KLRG1: variants seen among roughly 807,000 people sequenced by gnomAD.
The protein encoded by KLRG1 is killer cell lectin like receptor G1.
A neutral mutation model predicts 21.8 loss-of-function variants in KLRG1; 16 were observed. That is an observed-to-expected ratio of 0.73 (90% CI 0.50 to 1.11). KLRG1 has a LOEUF of 1.11. Among genes scored for constraint, KLRG1 ranks in the 50% most tolerant of loss-of-function variants. The probability of loss-of-function intolerance (pLI) is 0.00; values close to 1 mark genes in which losing one functional copy is unlikely to be tolerated. For missense variants in KLRG1, 173 were observed against 218.3 expected (o/e 0.79, Z 1.31); for synonymous variants, 69 against 75.9 (o/e 0.91, Z 0.47).
At chr12:9,135,284 C>T in the KLRG1 span, 1 of 275,112 alleles carries the variant, frequency 3.6e-6, no homozygotes, top group African/African-American at 2.3e-5. Context: ...TTCGCATCAA[C>T]CATGAAATGG....
At chr12:9,210,609 A>T in the KLRG1 span, among the ~76,000 whole-genome samples, 1 of 152,164 alleles carries the variant, frequency 6.6e-6, no homozygotes, top group African/African-American at 2.4e-5. Flanking sequence ...CAATACCTCC[A>T]GTGAATATAT....
chr12:9,039,895 G>C, the KLRG1 span, among the ~76,000 whole-genome samples: 5 of 152,328 alleles, frequency 3.3e-5, no homozygotes, highest in South Asian at 6.2e-4. Flanking sequence ...TAGCAAAAAT[G>C]CCTGCGCAAT....
chr12:9,159,799 A>C, the KLRG1 span: 378 of 751,776 alleles, frequency 5.0e-4, no homozygotes, highest in Admixed American at 6.0e-4. Flanking sequence ...TCATAGCTAT[A>C]AGAAATAAAT....
chr12:8,987,940 T>C (rs1293442824), upstream of KLRG1, among the ~76,000 whole-genome samples: 7 of 152,242 alleles, frequency 4.6e-5, no homozygotes, highest in African/African-American at 1.4e-4. Context: ...GCTAAACTAT[T>C]GATGACTCTT....
chr12:9,147,546 C>A, the KLRG1 span, among the ~76,000 whole-genome samples: 1 of 152,144 alleles, frequency 6.6e-6, no homozygotes, highest in Non-Finnish European at 1.5e-5. Flanking sequence ...AGGAGTCTTT[C>A]AATTAGCCTT....
the KLRG1 span, chr12:9,135,528 T>A: frequency 2.8e-6 from 1 of 354,218 alleles, no homozygotes; most frequent in Non-Finnish European, 5.3e-6. Context: ...GAATAAACTG[T>A]AAGGACGAAT....
At chr12:9,213,178 A>C in the KLRG1 span, among the ~76,000 whole-genome samples, 1 of 152,198 alleles carries the variant, frequency 6.6e-6, no homozygotes, top group Non-Finnish European at 1.5e-5. Context: ...GATATTGAAC[A>C]ATATTCCAAT....
chr12:9,165,301 G>A, the KLRG1 span: 36 of 1,614,040 alleles, frequency 2.2e-5, no homozygotes, highest in Non-Finnish European at 3.0e-5. Context: ...ACAGGCAGAA[G>A]GCCCCTGCCT....
intron 1 of KLRG1, among the ~76,000 whole-genome samples, chr12:8,962,660 G>T (rs2137222266): frequency 6.7e-6 from 1 of 150,082 alleles, no homozygotes; most frequent in African/African-American, 2.5e-5. Flanking sequence ...AGGTTGCAGT[G>T]AGCTGAGATC....
the KLRG1 span, among the ~76,000 whole-genome samples, chr12:9,056,048 G>A: frequency 6.6e-6 from 1 of 152,308 alleles, no homozygotes; most frequent in East Asian, 1.9e-4. Context: ...GTATTTAGGA[G>A]GACTGCTTTT....
chr12:9,090,263 T>A, the KLRG1 span: 1 of 1,577,204 alleles, frequency 6.3e-7, no homozygotes, highest in Non-Finnish European at 8.7e-7. Flanking sequence ...CATCTAGTGG[T>A]CTTTTCCTGA....
At chr12:9,031,386 C>T in the KLRG1 span, among the ~76,000 whole-genome samples, 4 of 152,160 alleles carry the variant, frequency 2.6e-5, 1 homozygote, top group Non-Finnish European at 1.5e-5. Flanking sequence ...CAAGGACTGT[C>T]AAACAAAGGG....
the KLRG1 span, among the ~76,000 whole-genome samples, chr12:9,144,824 G>A: frequency 6.6e-6 from 1 of 152,168 alleles, no homozygotes; most frequent in Non-Finnish European, 1.5e-5. Context: ...TCTCTGGTCG[G>A]GGAGGGTTTA....
At chr12:9,038,774 G>T in the KLRG1 span, among the ~76,000 whole-genome samples, 1 of 151,812 alleles carries the variant, frequency 6.6e-6, no homozygotes. Context: ...TGGCAGGCAC[G>T]TGTAATCCCA....
chr12:9,022,737 A>T, the KLRG1 span, among the ~76,000 whole-genome samples: 1 of 151,948 alleles, frequency 6.6e-6, no homozygotes, highest in African/African-American at 2.4e-5. Flanking sequence ...ATATATGCCT[A>T]CGTGTGCCAC....
chr12:9,142,003 T>G, the KLRG1 span, among the ~76,000 whole-genome samples: 4 of 152,204 alleles, frequency 2.6e-5, no homozygotes, highest in Admixed American at 2.6e-4. Context: ...CTTGCATAAA[T>G]TCCCTTTTAT....
At chr12:8,972,241 T>C (rs1159130229) in intron 1 of KLRG1, among the ~76,000 whole-genome samples, 3 of 152,140 alleles carry the variant, frequency 2.0e-5, no homozygotes, top group Admixed American at 2.0e-4. Flanking sequence ...CACTGCAAGC[T>C]CCACCTCCTG....
At chr12:8,999,253 G>A (rs1947235493) in intron 3 of KLRG1, among the ~76,000 whole-genome samples, 1 of 152,022 alleles carries the variant, frequency 6.6e-6, no homozygotes, top group Non-Finnish European at 1.5e-5. Flanking sequence ...AGTTCATCCT[G>A]GATGTTGTTA....
At chr12:9,203,273 G>T in the KLRG1 span, among the ~76,000 whole-genome samples, 1 of 148,294 alleles carries the variant, frequency 6.7e-6, no homozygotes, top group African/African-American at 2.5e-5. Flanking sequence ...GGTAAAAAAT[G>T]CTTTGTTCCT....
Sources: gnomAD v4.1 joint callset for allele counts (sites outside exome capture counted in the v4.1 genomes callset) on GRCh38, gnomAD v4.1.1 for gene constraint, MANE v1.5 for transcripts, NCBI Gene and HGNC (gene_info 2026-07-23, HGNC 2026-07-21) for gene names.